MRPS24: variants seen among roughly 807,000 people sequenced by gnomAD.
The protein encoded by MRPS24 is small ribosomal subunit protein uS3m.
MRPS24 carries 15 observed loss-of-function variants against 21.8 expected under a neutral mutation model. That is an observed-to-expected ratio of 0.69 (90% CI 0.46 to 1.06). The LOEUF is 1.06. Ranked by LOEUF, MRPS24 falls within the 50% of genes least tolerant of loss-of-function variation. MRPS24 has a pLI of 0.00. For missense variants in MRPS24, 224 were observed against 219.1 expected (o/e 1.02, Z -0.14); for synonymous variants, 93 against 93.7 (o/e 0.99, Z 0.04).
At position 43,866,584 on chromosome 7, in the gene MRPS24, C is replaced by T; in HGVS notation, c.*115G>A. 1 of 1,171,576 alleles carries T rather than the reference C, an allele frequency of 8.5e-7. No homozygotes were observed. The highest frequency in any genetic ancestry group is 1.2e-6 in the Non-Finnish European group (1 of 821,154). 72.6% of individuals were successfully genotyped at this position (1,171,576 alleles called of 1,614,324 possible). A position where few individuals can be genotyped will look rare whatever the true frequency, so the allele number is the denominator to read the frequency against. On this transcript the variant is annotated 3_prime_UTR_variant, in exon 4 of 4. Transcript: ENST00000317534. ...AAGATAGAAGGTCTTTATTCAATAGCAGATGAGAGACTATGCCTCAGTCCT... is the reference window on the plus strand; with the variant it reads ...AAGATAGAAGGTCTTTATTCAATAGTAGATGAGAGACTATGCCTCAGTCCT...
chr7:43,869,408 AG>A lies in MRPS24; in HGVS notation c.40-33del. The A allele has an allele frequency of 6.4e-7, 1 of 1,551,060 alleles. No individual in the cohort carries two copies. Among genetic ancestry groups the A allele is most frequent in the Non-Finnish European group, 8.7e-7 (1 of 1,147,624 alleles). On this transcript the variant is annotated intron_variant, in intron 1 of 3. Coordinates refer to ENST00000317534, the MANE Select transcript of MRPS24 (RefSeq NM_032014.3). This position sits in a 1 kb window ranked among gnomAD's most constrained non-coding sequence, Gnocchi z 4.8. ...AGGGAGGGCGCGTGAGGCGGAAACT[AG>A]GGACCCCACCTCCGACTCGCAGGGA...
chr7:43,869,515 G>T lies in MRPS24; in HGVS notation c.-20C>A. On this transcript the variant is annotated 5_prime_UTR_variant, in exon 1 of 4. Coordinates refer to ENST00000317534, the MANE Select transcript of MRPS24 (RefSeq NM_032014.3). This position sits in a 1 kb window ranked among gnomAD's most constrained non-coding sequence, Gnocchi z 4.8. Reference sequence around the variant, plus strand: ...CGCCATCTTGGGCCAAGCGGAGCGCGGGACGTACCACAGCGCGCTGAGGGG... The same window carrying T: ...CGCCATCTTGGGCCAAGCGGAGCGCTGGACGTACCACAGCGCGCTGAGGGG... 2 of 1,559,836 alleles carry T rather than the reference G, an allele frequency of 1.3e-6. No individual in the cohort carries two copies. Among genetic ancestry groups the T allele is most frequent in the Non-Finnish European group, 1.7e-6 (2 of 1,155,256 alleles).
chr7:43,868,708 T>C, intron 3 of MRPS24: 1 of 459,912 alleles, frequency 2.2e-6, no homozygotes, highest in East Asian at 3.7e-5. Context: ...GACATGCAAA[T>C]AATTTCTGTT....
chr7:43,867,161 T>C (rs1040025672), intron 3 of MRPS24, among the ~76,000 whole-genome samples, 179 bp from the exon 4 acceptor site: 16 of 152,240 alleles, frequency 1.1e-4, no homozygotes, highest in African/African-American at 3.9e-4. Flanking sequence ...GTATGTTATG[T>C]CATTAATTCC....
intron 3 of MRPS24, chr7:43,868,719 C>T: frequency 2.1e-6 from 1 of 484,712 alleles, no homozygotes; most frequent in Non-Finnish European, 3.6e-6. Context: ...AATTTCTGTT[C>T]AGTGGAGGAT....
At chr7:43,867,408 A>G (rs1197127581) in intron 3 of MRPS24, 1 of 198,850 alleles carries the variant, frequency 5.0e-6, no homozygotes, top group African/African-American at 2.4e-5. Flanking sequence ...TGGGTTCCTC[A>G]GTGTGAACTG....
Position 43,866,864 on chromosome 7 carries a change from C to G in MRPS24, c.339G>C (p.Arg113=). The G allele has an allele frequency of 6.2e-7, 1 of 1,614,206 alleles. No individual in the cohort carries two copies. ...CLADQLVLKR[R]GNQLEICAVV... is the part of the protein sequence containing the mutation. ...CGGCACAGATCTCCAACTGGTTACC[C>G]CGGCGCTTTAAAACCAGCTGGTCAG... Residue 113 remains arginine (R), a synonymous_variant, in exon 4 of 4, where the codon CGG becomes CGC. Coordinates refer to ENST00000317534, the MANE Select transcript of MRPS24 (RefSeq NM_032014.3).
Position 43,866,980 on chromosome 7 carries a change from T to C in MRPS24, c.223A>G (p.Asn75Asp), listed in dbSNP as rs1165861130. The change falls in exon 4 of 4, where the codon AAC becomes GAC. Residue 75 changes from asparagine to aspartate, a missense_variant and splice_region_variant. Coordinates refer to ENST00000317534, the MANE Select transcript of MRPS24 (RefSeq NM_032014.3). ...GCGGCATGGTCCTCTCCATCCAGGT[T>C]ACCTGAAGAGGGAAGGGCATAATAG... ...RKGWLSLHTGNLDGEDHAAER... is the reference protein window; with the variant it reads ...RKGWLSLHTGDLDGEDHAAER... 26 of 1,613,842 alleles carry C rather than the reference T, an allele frequency of 1.6e-5. 1 individual carries two copies. The Admixed American group carries it at 4.3e-4, about 27-fold the overall frequency.
Position 43,869,260 on chromosome 7 carries a change from G to GCCCCCCCGCCCCCCC in MRPS24, c.108+47_108+48insGGGGGGGCGGGGGGG. 4 of 782,850 alleles carry GCCCCCCCGCCCCCCC rather than the reference G, an allele frequency of 5.1e-6. No individual in the cohort carries two copies. The highest frequency in any genetic ancestry group is 2.1e-5 in the African/African-American group (1 of 47,650). 48.5% of individuals were successfully genotyped at this position (782,850 alleles called of 1,614,324 possible). On this transcript the variant is annotated intron_variant, in intron 2 of 3. Transcript: ENST00000317534. This position sits in a 1 kb window ranked among gnomAD's most constrained non-coding sequence, Gnocchi z 4.8. ...AGCCCGCACGGCTTCCCCGGCCCCC[G>GCCCCCCCGCCCCCCC]GCCCCCCGGCCCCCAGGCCCCCAGG...
At position 43,869,007 on chromosome 7, in the gene MRPS24, G is replaced by A. The variant is rs781679803; in HGVS notation, c.176C>T (p.Pro59Leu). ...KPVTYEEAHA[P>L]HYIAHRKGWL... Reference sequence around the variant, plus strand: ...GCCTTTACGGTGGGCGATGTAGTGCGGCGCGTGTGCCTCCTCGTAGGTCAC... The same window carrying A: ...GCCTTTACGGTGGGCGATGTAGTGCAGCGCGTGTGCCTCCTCGTAGGTCAC... Residue 59 changes from proline (P) to leucine (L), a missense_variant, in exon 3 of 4, where the codon CCG becomes CTG. Transcript: ENST00000317534. The surrounding 1 kb of genome is among the most constrained non-coding windows in gnomAD (Gnocchi z 4.8). 1 of 1,614,020 alleles carries A rather than the reference G, an allele frequency of 6.2e-7. No individual in the cohort carries two copies. Among genetic ancestry groups the A allele is most frequent in the Non-Finnish European group, 8.5e-7 (1 of 1,180,016 alleles).
rs2132631185 is a variant in MRPS24, at chr7:43,866,564, AG to A, written c.*134del. 1.0e-6 allele frequency: 1 copy of A among 987,684 alleles called. No homozygotes were observed. Among genetic ancestry groups the A allele is most frequent in the East Asian group, 2.4e-5 (1 of 40,864 alleles). The allele number at this position is 987,684 out of a possible 1,614,324, so 61.2% of individuals were successfully genotyped here. A position where few individuals can be genotyped will look rare whatever the true frequency, so the allele number is the denominator to read the frequency against. The stretch of plus-strand genomic sequence containing the variant: ...TAAAAACAGAGAGGCAAGACAAGAT[AG>A]AAGGTCTTTATTCAATAGCAGATGA... On this transcript the variant is annotated 3_prime_UTR_variant, in exon 4 of 4. Transcript: ENST00000317534.
rs540349330 is a variant in MRPS24 at position 43,869,274 on chromosome 7, C to G, written c.108+34G>C. On this transcript the variant is annotated intron_variant, in intron 2 of 3. Transcript: ENST00000317534. The surrounding 1 kb of genome is among the most constrained non-coding windows in gnomAD (Gnocchi z 4.8). Reference sequence around the variant, plus strand: ...CCCCGGCCCCCGGCCCCCCGGCCCCCAGGCCCCCAGGCCCCTGCCCCGGCG... The same window carrying G: ...CCCCGGCCCCCGGCCCCCCGGCCCCGAGGCCCCCAGGCCCCTGCCCCGGCG... 8.0e-6 allele frequency: 12 copies of G among 1,507,138 alleles called. No individual in the cohort carries two copies. In the African/African-American group the frequency reaches 1.7e-4, roughly 21 times the overall value. The allele number at this position is 1,507,138 out of a possible 1,614,324, so 93.4% of individuals were successfully genotyped here.
Position 43,869,269 on chromosome 7 carries a change from GC to G in MRPS24, c.108+38del. 6.8e-7 allele frequency: 1 copy of G among 1,463,354 alleles called. No homozygotes were observed. The highest frequency in any genetic ancestry group is 9.1e-7 in the Non-Finnish European group (1 of 1,103,890). The allele number at this position is 1,463,354 out of a possible 1,614,324, so 90.6% of individuals were successfully genotyped here. ...GGCTTCCCCGGCCCCCGGCCCCCCG[GC>G]CCCCAGGCCCCCAGGCCCCTGCCCC... On this transcript the variant is annotated intron_variant, in intron 2 of 3. Coordinates refer to ENST00000317534, the MANE Select transcript of MRPS24 (RefSeq NM_032014.3). This position sits in a 1 kb window ranked among gnomAD's most constrained non-coding sequence, Gnocchi z 4.8.
chr7:43,868,008 C>T (rs1393946053), intron 3 of MRPS24: 1 of 152,166 alleles, frequency 6.6e-6, no homozygotes, highest in African/African-American at 2.4e-5. Context: ...GGTTAGATTC[C>T]TTTCAGCCTC....
At position 43,868,982 on chromosome 7, in the gene MRPS24, G is replaced by A; in HGVS notation, c.201C>T (p.Gly67=). ...GCTCACCTGTGTGCAGCGACAGCCA[G>A]CCTTTACGGTGGGCGATGTAGTGCG... is the stretch of plus-strand genomic sequence containing the variant. The part of the protein sequence containing the change: ...HAPHYIAHRK[G]WLSLHTGNLD... Residue 67 remains glycine (G), a synonymous_variant, in exon 3 of 4, where the codon GGC becomes GGT. Coordinates refer to ENST00000317534, the MANE Select transcript of MRPS24 (RefSeq NM_032014.3). 6.2e-7 allele frequency: 1 copy of A among 1,614,048 alleles called. No individual in the cohort carries two copies. The highest frequency in any genetic ancestry group is 1.1e-5 in the South Asian group (1 of 91,080).
At chr7:43,867,211 T>C (rs190919349) in intron 3 of MRPS24, among the ~76,000 whole-genome samples, 67 of 152,352 alleles carry the variant, frequency 4.4e-4, no homozygotes, top group Middle Eastern at 3.4e-3. Flanking sequence ...ATTATCCTTA[T>C]TTTACAAAAA....
At position 43,866,793 on chromosome 7, in the gene MRPS24, C is replaced by T. The variant is rs767817600; in HGVS notation, c.410G>A (p.Gly137Asp). The change falls in exon 4 of 4, where the codon GGC becomes GAC. Residue 137 changes from glycine (G) to aspartate (D), a missense_variant. Transcript: ENST00000317534. ...LSPHKYYFLV[G>D]YSETLLSYFY... is the part of the protein sequence containing the mutation. ...GTAGGACAGCAAAGTTTCACTGTAG[C>T]CCACGAGGAAGTAGTACTTGTGTGG... The T allele has an allele frequency of 1.9e-6, 3 of 1,614,204 alleles. No individual in the cohort carries two copies. The South Asian group carries it at 3.3e-5, about 18-fold the overall frequency.
chr7:43,869,514 C>A lies in MRPS24; in HGVS notation c.-19G>T. 1 of 1,559,572 alleles carries A rather than the reference C, an allele frequency of 6.4e-7. No individual in the cohort carries two copies. The highest frequency in any genetic ancestry group is 2.4e-5 in the East Asian group (1 of 42,094). On this transcript the variant is annotated 5_prime_UTR_variant, in exon 1 of 4. Coordinates refer to ENST00000317534, the MANE Select transcript of MRPS24 (RefSeq NM_032014.3). This position sits in a 1 kb window ranked among gnomAD's most constrained non-coding sequence, Gnocchi z 4.8. ...CCGCCATCTTGGGCCAAGCGGAGCG[C>A]GGGACGTACCACAGCGCGCTGAGGG... is the stretch of plus-strand genomic sequence containing the variant.
chr7:43,866,655 C>T lies in MRPS24; in HGVS notation c.*44G>A, dbSNP rs917187106. 6 of 1,597,790 alleles carry T rather than the reference C, an allele frequency of 3.8e-6. No homozygotes were observed. Among genetic ancestry groups the T allele is most frequent in the Non-Finnish European group, 4.3e-6 (5 of 1,168,690 alleles). Reference sequence around the variant, plus strand: ...CACATACCATTCCTTTCCCACGTTTCCATTCTCTGCAGGCTACAGCTTGAT... The same window carrying T: ...CACATACCATTCCTTTCCCACGTTTTCATTCTCTGCAGGCTACAGCTTGAT... On this transcript the variant is annotated 3_prime_UTR_variant, in exon 4 of 4. Coordinates refer to ENST00000317534, the MANE Select transcript of MRPS24 (RefSeq NM_032014.3).
Sources: gnomAD v4.1 joint callset for allele counts (sites outside exome capture counted in the v4.1 genomes callset) on GRCh38, gnomAD v4.1.1 for gene constraint, Gnocchi (gnomAD v3.1) non-coding constraint, MANE v1.5 for transcripts, NCBI Gene and HGNC (gene_info 2026-07-23, HGNC 2026-07-21) for gene names.